DOT1L: variants seen among roughly 807,000 people sequenced by gnomAD.
DOT1L encodes DOT1 like histone lysine methyltransferase, also known as histone-lysine N-methyltransferase, H3 lysine-79 specific.
Under a neutral mutation model 153.3 loss-of-function variants are expected in DOT1L, and 33 were observed. The ratio of observed to expected loss-of-function variants is 0.22; its 90% CI spans 0.16 to 0.29. The LOEUF (loss-of-function observed/expected upper bound fraction) is 0.29. Among genes scored for constraint, DOT1L ranks in the 10% least tolerant of loss-of-function variants. The pLI, the probability that DOT1L is intolerant of heterozygous loss-of-function variation, is 1.00. For missense variants in DOT1L, 1,847 were observed against 2,119.9 expected (o/e 0.87, Z 2.53); for synonymous variants, 1,135 against 965.1 (o/e 1.18, Z -3.26).
At chr19:2,221,502 A>G (rs2144898229) in intron 23 of DOT1L, 1 of 162,802 alleles carries the variant, frequency 6.1e-6, no homozygotes, top group African/African-American at 2.4e-5. Flanking sequence ...ATGGAAGTGC[A>G]CCACTCATCG....
rs1163112355 is a variant in DOT1L, at chr19:2,193,666, C to T, written c.494-23C>T. ...GTGGCATCTGAGCGCTGTGTGGTATCTGATGGATCTCTCTGATCATAGGTG... is the reference window on the plus strand; with the variant it reads ...GTGGCATCTGAGCGCTGTGTGGTATTTGATGGATCTCTCTGATCATAGGTG... On this transcript the variant is annotated intron_variant, in intron 5 of 27. Coordinates refer to ENST00000398665, the MANE Select transcript of DOT1L (RefSeq NM_032482.3). The surrounding 1 kb of genome is among the most constrained non-coding windows in gnomAD (Gnocchi z 5.9). 1 of 1,612,168 alleles carries T rather than the reference C, an allele frequency of 6.2e-7. No homozygotes were observed. The highest frequency in any genetic ancestry group is 8.5e-7 in the Non-Finnish European group (1 of 1,178,442).
intron 15 of DOT1L, 134 bp downstream of exon 15, chr19:2,211,346 TG>T: frequency 1.2e-6 from 1 of 806,176 alleles, no homozygotes; most frequent in Non-Finnish European, 1.9e-6. Flanking sequence ...TACCCAGGGT[TG>T]GGGTCTGCCT....
At chr19:2,206,694 C>T (rs748224363) in intron 9 of DOT1L, 35 bp from the exon 10 acceptor site, 1 of 1,611,242 alleles carries the variant, frequency 6.2e-7, no homozygotes, top group Non-Finnish European at 8.5e-7. Context: ...TGTTTCCTCT[C>T]TCCTGTGTGG....
At chr19:2,229,038 C>T (rs926675283) in intron 27 of DOT1L, 2 of 985,344 alleles carry the variant, frequency 2.0e-6, no homozygotes, top group Non-Finnish European at 2.4e-6. Flanking sequence ...CCACACTGCC[C>T]TGTGGTCATG....
At position 2,217,047 on chromosome 19, in the gene DOT1L, C is replaced by G. The variant is rs750665206; in HGVS notation, c.2501C>G (p.Ser834Cys). ...KLSPQDPRPL[S>C]PGALQLAGEK... Reference sequence around the variant, plus strand: ...AGCCCTCAGGACCCGCGGCCCCTGTCCCCTGGGGCCTTGCAGCTTGCTGGA... The same window carrying G: ...AGCCCTCAGGACCCGCGGCCCCTGTGCCCTGGGGCCTTGCAGCTTGCTGGA... The change falls in exon 21 of 28, where the codon TCC becomes TGC. Residue 834 changes from serine to cysteine, a missense_variant. Ser to Cys is a moderately radical substitution (Grantham distance 112). Around this residue, in one of 8 missense-constraint regions of DOT1L, gnomAD observed 281 missense variants for 263.6 expected, o/e 1.07. Coordinates refer to ENST00000398665, the MANE Select transcript of DOT1L (RefSeq NM_032482.3). The surrounding 1 kb of genome is among the most constrained non-coding windows in gnomAD (Gnocchi z 7.3). 22 of 1,611,690 alleles carry G rather than the reference C, an allele frequency of 1.4e-5. No individual in the cohort carries two copies. Among genetic ancestry groups the G allele is most frequent in the Non-Finnish European group, 1.9e-5 (22 of 1,179,026 alleles).
chr19:2,164,529 G>A (rs1045813869), intron 1 of DOT1L: 3 of 291,146 alleles, frequency 1.0e-5, no homozygotes, highest in Admixed American at 5.2e-5. Context: ...CCCCCGCCGG[G>A]CTGTCCCGGG....
Position 2,220,554 on chromosome 19 carries a change from G to C in DOT1L, c.2806+332G>C. ...CTGGGAGGCCCCTGACTCAGGATCG[G>C]CTCCACACACAGCAGTGCCCAATGG... On this transcript the variant is annotated intron_variant, in intron 23 of 27. Coordinates refer to ENST00000398665, the MANE Select transcript of DOT1L (RefSeq NM_032482.3). The surrounding 1 kb of genome is among the most constrained non-coding windows in gnomAD (Gnocchi z 4.5). 4.1e-6 allele frequency: 2 copies of C among 492,168 alleles called. No individual in the cohort carries two copies. The highest frequency in any genetic ancestry group is 3.1e-5 in the South Asian group (2 of 64,864). 30.5% of individuals were successfully genotyped at this position (492,168 alleles called of 1,614,324 possible). A position where few individuals can be genotyped will look rare whatever the true frequency, so the allele number is the denominator to read the frequency against.
In DOT1L at chr19:2,216,583, C is replaced by A. The variant is rs768899856; in HGVS notation, c.2226C>A (p.Pro742=). The part of the protein sequence containing the change: ...KQNTPQYLAS[P]LDQEVVPCTP... Reference sequence around the variant, plus strand: ...ACACGCCCCAGTACCTGGCCTCACCCCTGGACCAGGAGGTGGTGCCCTGTA... The same window carrying A: ...ACACGCCCCAGTACCTGGCCTCACCACTGGACCAGGAGGTGGTGCCCTGTA... Residue 742 remains proline (P), a synonymous_variant, in exon 20 of 28, where the codon CCC becomes CCA. Transcript: ENST00000398665. The A allele has an allele frequency of 6.2e-7, 1 of 1,608,732 alleles. No homozygotes were observed. The highest frequency in any genetic ancestry group is 1.1e-5 in the South Asian group (1 of 91,074).
intron 1 of DOT1L, among the ~76,000 whole-genome samples, chr19:2,172,323 G>A (rs2021681352): frequency 1.3e-5 from 2 of 151,486 alleles, no homozygotes; most frequent in Non-Finnish European, 2.9e-5. Context: ...CCGAGTAGCT[G>A]GGACTACAGG....
chr19:2,228,119 C>T (rs781038396), intron 27 of DOT1L: 8 of 1,362,056 alleles, frequency 5.9e-6, no homozygotes, highest in South Asian at 4.6e-5. Flanking sequence ...CCTCTGCTGC[C>T]TCTCTGCCGC....
chr19:2,223,559 TGGGTGG>T, intron 25 of DOT1L, 73 bp downstream of exon 25: 3 of 15,588 alleles, frequency 1.9e-4, no homozygotes, highest in African/African-American at 1.4e-3. Flanking sequence ...TGTGTGTGTG[TGGGTGG>T]GTGGGTGGGG....
intron 8 of DOT1L, among the ~76,000 whole-genome samples, chr19:2,200,614 C>A (rs1314050377): frequency 6.6e-6 from 1 of 152,114 alleles, no homozygotes; most frequent in Non-Finnish European, 1.5e-5. Flanking sequence ...GGGTCAGCAG[C>A]CGGCTGGGCC....
At chr19:2,169,278 C>T (rs1444201536) in intron 1 of DOT1L, among the ~76,000 whole-genome samples, 1 of 152,016 alleles carries the variant, frequency 6.6e-6, no homozygotes, top group African/African-American at 2.4e-5. Context: ...CTGAGTAATC[C>T]CAGCTCCCCC....
At position 2,223,323 on chromosome 19, in the gene DOT1L, T is replaced by C; in HGVS notation, c.3433T>C (p.Ser1145Pro). ...NQPLEITAIS[S>P]PETSLKSSPV... ...GCCCCTGGAGATTACAGCCATCTCG[T>C]CCCCGGAGACCTCCCTGAAGAGCTC... The change falls in exon 25 of 28, where the codon TCC becomes CCC. Residue 1145 changes from serine to proline, a missense_variant. This residue lies in a region of DOT1L where 934 missense variants were observed against 825.3 expected (regional missense o/e 1.13). Transcript: ENST00000398665. The C allele has an allele frequency of 6.2e-7, 1 of 1,613,482 alleles. No individual in the cohort carries two copies. The highest frequency in any genetic ancestry group is 8.5e-7 in the Non-Finnish European group (1 of 1,179,878).
chr19:2,229,488 G>A (rs2024507885), intron 27 of DOT1L: 1 of 985,480 alleles, frequency 1.0e-6, no homozygotes, highest in South Asian at 4.7e-5. Flanking sequence ...AGCTATGCTG[G>A]GTCTCTTAGG....
chr19:2,174,971 T>TGG (rs1182036922), intron 1 of DOT1L, among the ~76,000 whole-genome samples: 6 of 105,286 alleles, frequency 5.7e-5, no homozygotes, highest in Non-Finnish European at 9.6e-5. Flanking sequence ...TGTGTGTGTG[T>TGG]GTGTGTGTGT....
At chr19:2,201,147 C>T (rs1485527087) in intron 8 of DOT1L, among the ~76,000 whole-genome samples, 5 of 136,132 alleles carry the variant, frequency 3.7e-5, no homozygotes, top group Admixed American at 1.4e-4. Context: ...CCGCATTCCT[C>T]GTCCTCCCCT....
chr19:2,167,059 T>C (rs1385139589), intron 1 of DOT1L, among the ~76,000 whole-genome samples: 1 of 152,210 alleles, frequency 6.6e-6, no homozygotes, highest in Non-Finnish European at 1.5e-5. Context: ...GTAAATCCAT[T>C]GGACAGTTGG....
chr19:2,227,102 C>T lies in DOT1L; in HGVS notation c.4581C>T (p.Ser1527=), dbSNP rs764580001. The change falls in exon 27 of 28, where the codon TCC becomes TCT. Residue 1527 remains serine (S), a synonymous_variant. Transcript: ENST00000398665. ...ACTCGCACGCCATGGGCAGCTTTTC[C>T]GGGGTGGCAGGCGGCACAGTTGGAG... ...LTNSHAMGSF[S]GVAGGTVGGN is the part of the protein sequence containing the mutation. The T allele has an allele frequency of 4.5e-6, 7 of 1,555,516 alleles. No homozygotes were observed. The highest frequency in any genetic ancestry group is 6.1e-6 in the Non-Finnish European group (7 of 1,157,004).
Sources: gnomAD v4.1 joint callset for allele counts (sites outside exome capture counted in the v4.1 genomes callset) on GRCh38, gnomAD v4.1.1 for gene constraint, gnomAD v4.1.1 regional missense constraint, Gnocchi (gnomAD v3.1) non-coding constraint, MANE v1.5 for transcripts, NCBI Gene and HGNC (gene_info 2026-07-23, HGNC 2026-07-21) for gene names.